The following XPNPEP1 variants were observed in gnomAD, a reference collection of about 807,000 sequenced individuals.
XPNPEP1 encodes X-prolyl aminopeptidase 1.
In XPNPEP1, 39 loss-of-function variants were observed where a neutral mutation model predicts 92.4. The ratio of observed to expected loss-of-function variants is 0.42; its 90% confidence interval spans 0.33 to 0.55. XPNPEP1 has a LOEUF of 0.55. Among genes scored for constraint, XPNPEP1 ranks in the 20% least tolerant of loss-of-function variants. The probability of loss-of-function intolerance (pLI) is 0.08; values close to 1 mark genes in which losing one functional copy is unlikely to be tolerated. For synonymous variants in XPNPEP1, 307 were observed against 299.4 expected (o/e 1.03, Z -0.26); for missense variants, 654 against 856.1 (o/e 0.76, Z 2.95).
At chr10:109,873,291 C>T in intron 16 of XPNPEP1, 76 bp downstream of exon 16, 1 of 1,567,962 alleles carries the variant, frequency 6.4e-7, no homozygotes, top group Non-Finnish European at 8.8e-7. Context: ...CTTCTTTATA[C>T]AATCCCTTTT....
chr10:109,916,565 T>C (rs1357161425), intron 1 of XPNPEP1, among the ~76,000 whole-genome samples: 1 of 152,236 alleles, frequency 6.6e-6, no homozygotes, highest in African/African-American at 2.4e-5. Flanking sequence ...AAGAACCAGA[T>C]AACCAGGCAG....
chr10:109,911,963 T>C (rs1849900952), intron 2 of XPNPEP1, among the ~76,000 whole-genome samples: 1 of 152,174 alleles, frequency 6.6e-6, no homozygotes, highest in African/African-American at 2.4e-5. Flanking sequence ...CAACCAATCA[T>C]GAGCACAAAA....
intron 1 of XPNPEP1, among the ~76,000 whole-genome samples, chr10:109,918,989 A>T (rs1850374667): frequency 6.6e-6 from 1 of 152,158 alleles, no homozygotes; most frequent in South Asian, 2.1e-4. Flanking sequence ...AAATAAAAAA[A>T]AATTAACCCA....
chr10:109,897,996 A>G (rs557042021), intron 3 of XPNPEP1, among the ~76,000 whole-genome samples: 1 of 152,334 alleles, frequency 6.6e-6, no homozygotes, highest in South Asian at 2.1e-4. Flanking sequence ...CAAGCTGCCA[A>G]GCAACCTCTT....
intron 14 of XPNPEP1, 112 bp downstream of exon 14, chr10:109,877,678 C>T (rs1847857656): frequency 1.6e-6 from 2 of 1,282,180 alleles, no homozygotes; most frequent in African/African-American, 1.5e-5. Context: ...ACAGTCTCAA[C>T]AGACAGATGA....
chr10:109,866,050 AGT>A lies in XPNPEP1; in HGVS notation c.1873-740_1873-739del, dbSNP rs139056378. On this transcript the variant is annotated intron_variant, in intron 20 of 20. Transcript: ENST00000502935. Reference sequence around the variant, plus strand: ...GTATACGGGAAAAGGTGAAGTCTGGAGTGAAGCAGGTTTTACCAAGAGGACAA... The same window carrying A: ...GTATACGGGAAAAGGTGAAGTCTGGAGAAGCAGGTTTTACCAAGAGGACAA... Among the ~76,000 whole-genome samples, 967 of 152,302 alleles carry A rather than the reference AGT, an allele frequency of 6.3e-3. 12 individuals are homozygous for A. The highest frequency in any genetic ancestry group is 0.022 in the African/African-American group (931 of 41,556).
In XPNPEP1 at chr10:109,869,979, C is replaced by A; in HGVS notation, c.1747G>T (p.Val583Phe). 6.2e-7 allele frequency: 1 copy of A among 1,614,138 alleles called. No homozygotes were observed. The highest frequency in any genetic ancestry group is 8.5e-7 in the Non-Finnish European group (1 of 1,180,008). Residue 583 changes from valine to phenylalanine, a missense_variant, in exon 19 of 21, where the codon GTC becomes TTC. Transcript: ENST00000502935. ...GAFGIRIENVVLVVPVKTKYN... is the reference protein window; with the variant it reads ...GAFGIRIENVFLVVPVKTKYN... ...TTGGTCTTCACAGGAACCACAAGGACAACATTCTCAATGCGAATTCCAAAA... is the reference window on the plus strand; with the variant it reads ...TTGGTCTTCACAGGAACCACAAGGAAAACATTCTCAATGCGAATTCCAAAA...
In XPNPEP1 at chr10:109,906,286, G is replaced by A. The variant is rs566863802; in HGVS notation, c.246+1405C>T. Among the ~76,000 whole-genome samples, 9 of 152,266 alleles carry A rather than the reference G, an allele frequency of 5.9e-5. No homozygotes were observed. In the East Asian group the frequency reaches 1.7e-3, roughly 29 times the overall value. ...ATATACCAATCAAGTTCTCATCCTG[G>A]ACTTTGAATTTGGGGGATTAAGGTT... On this transcript the variant is annotated intron_variant, in intron 3 of 20. Transcript: ENST00000502935.
chr10:109,915,490 G>T (rs147650209), intron 1 of XPNPEP1, among the ~76,000 whole-genome samples: 174 of 151,702 alleles, frequency 1.1e-3, no homozygotes, highest in African/African-American at 4.0e-3. Context: ...CATTACTGTA[G>T]GCCCTTATTT....
intron 3 of XPNPEP1, among the ~76,000 whole-genome samples, chr10:109,898,537 G>T (rs758367120): frequency 6.6e-6 from 1 of 152,184 alleles, no homozygotes; most frequent in African/African-American, 2.4e-5. Context: ...GGCCACCAAG[G>T]ATAGGCGAAG....
chr10:109,920,100 C>T (rs1478676289), intron 1 of XPNPEP1, among the ~76,000 whole-genome samples: 14 of 151,666 alleles, frequency 9.2e-5, no homozygotes, highest in Non-Finnish European at 2.1e-4. Flanking sequence ...TGAAAACATG[C>T]TAAGGGAAAA....
rs1042574852 is a variant in XPNPEP1, at chr10:109,875,395, C to A, written c.1391+133G>T. On this transcript the variant is annotated intron_variant, in intron 15 of 20. Transcript: ENST00000502935. ...TAGGGGTGAAAAAAATGACAAGACACAGGAACGATTCCATTAGTGGCCAGC... is the reference window on the plus strand; with the variant it reads ...TAGGGGTGAAAAAAATGACAAGACAAAGGAACGATTCCATTAGTGGCCAGC... The A allele has an allele frequency of 1.2e-5, 8 of 690,068 alleles. No individual in the cohort carries two copies. The Admixed American group carries it at 1.6e-4, about 14-fold the overall frequency. The allele number at this position is 690,068 out of a possible 1,614,324, so 42.7% of individuals were successfully genotyped here.
intron 2 of XPNPEP1, among the ~76,000 whole-genome samples, chr10:109,911,480 G>A (rs189518429): frequency 1.3e-5 from 2 of 152,214 alleles, no homozygotes; most frequent in Admixed American, 1.3e-4. Flanking sequence ...GAAGTATCTG[G>A]TCTGATCCAA....
chr10:109,895,863 G>A (rs1371189395), intron 3 of XPNPEP1, among the ~76,000 whole-genome samples: 1 of 152,194 alleles, frequency 6.6e-6, no homozygotes, highest in East Asian at 1.9e-4. Flanking sequence ...TACACTCAGA[G>A]TGAGCTTTTC....
chr10:109,882,349 G>A (rs1052253437), intron 10 of XPNPEP1, 83 bp downstream of exon 10: 44 of 1,503,392 alleles, frequency 2.9e-5, no homozygotes, highest in Admixed American at 3.6e-5. Context: ...GGCAGCCTCA[G>A]AAATCTGCCT....
chr10:109,882,566 C>A lies in XPNPEP1; in HGVS notation c.907G>T (p.Glu303Ter). 1.2e-6 allele frequency: 2 copies of A among 1,614,168 alleles called. No individual in the cohort carries two copies. Among genetic ancestry groups the A allele is most frequent in the Non-Finnish European group, 1.7e-6 (2 of 1,180,024 alleles). The change falls in exon 10 of 21, where the codon GAA becomes TAA. Residue 303 changes from glutamate (E) to a stop codon, truncating the protein, a stop_gained. Transcript: ENST00000502935. LOFTEE classifies it high-confidence loss of function. ...HLLLDLGLEA[E>*]YRIQVHPYKS... ...TAGGGATGCACCTGGATCCTGTATT[C>A]GGCTTCCAGACCCAAGTCAAGAAGC... is the stretch of plus-strand genomic sequence containing the variant.
intron 3 of XPNPEP1, among the ~76,000 whole-genome samples, chr10:109,903,860 T>TC (rs1849414887): frequency 6.6e-6 from 1 of 151,350 alleles, no homozygotes; most frequent in African/African-American, 2.4e-5. Flanking sequence ...TTTTTTTTTT[T>TC]TTGAGACAGG....
intron 5 of XPNPEP1, among the ~76,000 whole-genome samples, chr10:109,889,597 T>C (rs1435798960): frequency 6.6e-6 from 1 of 152,256 alleles, no homozygotes; most frequent in Non-Finnish European, 1.5e-5. Flanking sequence ...CTAAAATTAC[T>C]TCTATAGTCC....
At chr10:109,871,384 A>G (rs1847462344) in intron 17 of XPNPEP1, among the ~76,000 whole-genome samples, 1 of 152,200 alleles carries the variant, frequency 6.6e-6, no homozygotes, top group Non-Finnish European at 1.5e-5. Context: ...AAAGTAGTAC[A>G]TAGCTGAAGT....
Sources: allele counts gnomAD v4.1 joint callset (sites outside exome capture counted in the v4.1 genomes callset), GRCh38; gene constraint gnomAD v4.1.1; transcripts MANE v1.5; gene names NCBI Gene and HGNC (gene_info 2026-07-23, HGNC 2026-07-21).